Variants in DYSF observed in about 807,000 individuals in gnomAD.
DYSF encodes the protein dystrophy-associated fer-1-like 1.
Under a neutral mutation model 274.9 loss-of-function variants are expected in DYSF, and 212 were observed. That is an observed-to-expected ratio of 0.77 (90% confidence interval 0.69 to 0.86). The LOEUF (loss-of-function observed/expected upper bound fraction) is 0.86, where lower values mean the gene tolerates loss of function less well. DYSF is among the 40% of genes least tolerant of loss of function. The pLI, the probability that DYSF is intolerant of heterozygous loss-of-function variation, is 0.00. For synonymous variants in DYSF, 1,091 were observed against 1,078.7 expected (o/e 1.01, Z -0.22); for missense variants, 2,666 against 2,783.2 (o/e 0.96, Z 0.95).
chr2:71,607,690 T>C (rs990108669), intron 36 of DYSF, among the ~76,000 whole-genome samples: 3 of 151,684 alleles, frequency 2.0e-5, no homozygotes, highest in African/African-American at 7.3e-5. Flanking sequence ...GGATTACCAG[T>C]GTTTGGTGAT....
intron 41 of DYSF, among the ~76,000 whole-genome samples, chr2:71,635,209 T>C (rs1037602541): frequency 6.6e-6 from 1 of 152,198 alleles, no homozygotes; most frequent in African/African-American, 2.4e-5. Context: ...AGTTCTCGCT[T>C]CCTTTCTCCT....
intron 5 of DYSF, among the ~76,000 whole-genome samples, chr2:71,512,492 G>A (rs529852099): frequency 6.6e-6 from 1 of 152,322 alleles, no homozygotes; most frequent in Admixed American, 6.5e-5. Context: ...GAAGGGAGCA[G>A]ACTAAGTTAG....
intron 36 of DYSF, among the ~76,000 whole-genome samples, chr2:71,606,458 A>G (rs1200311733): frequency 6.6e-6 from 1 of 152,082 alleles, no homozygotes; most frequent in Non-Finnish European, 1.5e-5. Flanking sequence ...TCTACACCCC[A>G]TCTGCCCAGC....
upstream of DYSF, among the ~76,000 whole-genome samples, chr2:71,463,807 A>C (rs748178551): frequency 6.6e-6 from 1 of 152,210 alleles, no homozygotes; most frequent in Non-Finnish European, 1.5e-5. Flanking sequence ...TAGCTAGACC[A>C]ATAGCCGTTG....
Position 71,643,973 on chromosome 2 carries a change from G to A in DYSF, c.4536G>A (p.Glu1512=), listed in dbSNP as rs1241285277. 2 of 1,609,970 alleles carry A rather than the reference G, an allele frequency of 1.2e-6. No homozygotes were observed. The highest frequency in any genetic ancestry group is 1.7e-6 in the Non-Finnish European group (2 of 1,178,052). Residue 1512 remains glutamate (E), a synonymous_variant, in exon 42 of 56, where the codon GAG becomes GAA. Transcript: ENST00000410020. ...ASPPSSPHEE[E]FIDWWSKFFA... The stretch of plus-strand genomic sequence containing the variant: ...TCTTTCTACCCACTCAGGAGGAAGA[G>A]TTCATCGATTGGTGGAGCAAATTCT...
chr2:71,623,374 G>C (rs1324858807), intron 41 of DYSF, among the ~76,000 whole-genome samples: 1 of 132,916 alleles, frequency 7.5e-6, no homozygotes, highest in Non-Finnish European at 1.5e-5. Context: ...CCCTTCCTGT[G>C]TCCACGTGAT....
chr2:71,602,725 A>G (rs1313467782), intron 35 of DYSF, 51 bp from the exon 36 acceptor site: 2 of 1,601,218 alleles, frequency 1.2e-6, no homozygotes, highest in Non-Finnish European at 8.5e-7. Context: ...TTCCCCTTCC[A>G]ACCCCTCTCA....
At chr2:71,582,271 A>G (rs2092923357) in intron 30 of DYSF, among the ~76,000 whole-genome samples, 1 of 152,150 alleles carries the variant, frequency 6.6e-6, no homozygotes. Flanking sequence ...TTGGCCCTTT[A>G]TAGACAAGGT....
chr2:71,578,260 C>T (rs55801823), intron 30 of DYSF, among the ~76,000 whole-genome samples: 1,758 of 152,240 alleles, frequency 0.012, 38 homozygotes, highest in African/African-American at 0.039. Context: ...GTACAAAGTG[C>T]CTCATCAAGA....
intron 1 of DYSF, among the ~76,000 whole-genome samples, chr2:71,461,340 G>A (rs2152632470): frequency 6.6e-6 from 1 of 152,340 alleles, no homozygotes; most frequent in African/African-American, 2.4e-5. Flanking sequence ...TGATCTTTAA[G>A]CTGAGGCCTG....
chr2:71,482,685 G>C (rs148292410), intron 3 of DYSF, among the ~76,000 whole-genome samples: 1 of 152,220 alleles, frequency 6.6e-6, no homozygotes, highest in Non-Finnish European at 1.5e-5. Context: ...AGATGGGTGG[G>C]TCTTGGACTG....
rs751744585 is a variant in DYSF, at chr2:71,569,850, G to A, written c.2895G>A (p.Leu965=). The change falls in exon 27 of 56, where the codon CTG becomes CTA. Residue 965 remains leucine (L), a synonymous_variant. Coordinates refer to ENST00000410020, the MANE Select transcript of DYSF (RefSeq NM_001130987.2). ...TLLHDMDAGH[L]SFVEEVFENQ... is the part of the protein sequence containing the mutation. ...TCCATGACATGGACGCCGGTCACCT[G>A]AGCTTCGTGGAAGAGGTGTTTGAGA... is the stretch of plus-strand genomic sequence containing the variant. 3 of 1,614,096 alleles carry A rather than the reference G, an allele frequency of 1.9e-6. No homozygotes were observed. Among genetic ancestry groups the A allele is most frequent in the Non-Finnish European group, 2.5e-6 (3 of 1,180,026 alleles).
intron 3 of DYSF, among the ~76,000 whole-genome samples, chr2:71,489,679 T>G (rs1391083321): frequency 1.3e-5 from 2 of 152,170 alleles, no homozygotes; most frequent in Admixed American, 1.3e-4. Context: ...GCCTGGCCAG[T>G]TGAGGCCTGT....
intron 3 of DYSF, among the ~76,000 whole-genome samples, chr2:71,497,486 G>A (rs2084520984): frequency 6.6e-6 from 1 of 152,222 alleles, no homozygotes; most frequent in Admixed American, 6.5e-5. Flanking sequence ...CTGCTGCCAT[G>A]TAAAGAAGGA....
chr2:71,612,254 TG>T (rs1363883683), intron 38 of DYSF, among the ~76,000 whole-genome samples: 2 of 152,136 alleles, frequency 1.3e-5, no homozygotes, highest in East Asian at 3.9e-4. Context: ...TTGGGGTGTG[TG>T]GGGGGAAGAA....
intron 10 of DYSF, among the ~76,000 whole-genome samples, chr2:71,519,438 C>A (rs2086994881): frequency 6.6e-6 from 1 of 152,090 alleles, no homozygotes; most frequent in Non-Finnish European, 1.5e-5. Context: ...AGGTTCACAG[C>A]AAAAATTAAG....
chr2:71,558,794 C>G (rs1251903364), intron 22 of DYSF, among the ~76,000 whole-genome samples: 1 of 152,116 alleles, frequency 6.6e-6, no homozygotes, highest in Admixed American at 6.5e-5. Context: ...GGTTCCCGTC[C>G]TCTTGAGAAT....
chr2:71,676,160 T>A lies in DYSF; in HGVS notation c.5884+1864T>A, dbSNP rs143651100. Among the ~76,000 whole-genome samples, 642 of 152,308 alleles carry A rather than the reference T, an allele frequency of 4.2e-3. 4 individuals carry two copies. The highest frequency in any genetic ancestry group is 0.015 in the African/African-American group (612 of 41,570). On this transcript the variant is annotated intron_variant, in intron 52 of 55. Transcript: ENST00000410020. ...CACATCCTTCGATCCTTTGTGCATA[T>A]CTTTCCTTAACTCTGAGAAGTAGAT...
At chr2:71,460,223 T>G (rs1463085803) in intron 1 of DYSF, among the ~76,000 whole-genome samples, 1 of 152,130 alleles carries the variant, frequency 6.6e-6, no homozygotes, top group Non-Finnish European at 1.5e-5. Context: ...AGAAGTTCCC[T>G]TTGACAACGT....
Sources: gnomAD v4.1 joint callset for allele counts (sites outside exome capture counted in the v4.1 genomes callset) on GRCh38, gnomAD v4.1.1 for gene constraint, MANE v1.5 for transcripts, NCBI Gene and HGNC (gene_info 2026-07-23, HGNC 2026-07-21) for gene names.